COLEC11: variants seen among roughly 807,000 people sequenced by gnomAD.
COLEC11 encodes the protein collectin-11.
A neutral mutation model predicts 27.3 loss-of-function variants in COLEC11; 20 were observed. The ratio of observed to expected loss-of-function variants is 0.73; its 90% CI spans 0.51 to 1.06. COLEC11 has a LOEUF of 1.06. Among genes scored for constraint, COLEC11 ranks in the 50% least tolerant of loss-of-function variants. The pLI is 0.00. For synonymous variants in COLEC11, 163 were observed against 154.7 expected (o/e 1.05, Z -0.40); for missense variants, 310 against 383.0 (o/e 0.81, Z 1.59).
intron 2 of COLEC11, among the ~76,000 whole-genome samples, chr2:3,608,206 C>T (rs1227285306): frequency 1.3e-5 from 2 of 152,170 alleles, no homozygotes; most frequent in Non-Finnish European, 2.9e-5. Context: ...TGCAGGGAAG[C>T]CAAGCAAACA....
At chr2:3,607,417 T>C (rs1410711662) in intron 2 of COLEC11, among the ~76,000 whole-genome samples, 3 of 151,710 alleles carry the variant, frequency 2.0e-5, no homozygotes, top group Non-Finnish European at 4.4e-5. Flanking sequence ...ATAGTTCTTC[T>C]TATAGGCTTT....
intron 1 of COLEC11, chr2:3,603,650 A>G: frequency 6.4e-7 from 1 of 1,551,054 alleles, no homozygotes; most frequent in South Asian, 1.2e-5. Context: ...TTCACGATGA[A>G]GAAACAAAGA....
rs112833981 is a variant in COLEC11 at position 3,628,420 on chromosome 2, C to G, written c.203-9113C>G. ...TGGCCCAGGAGGGCGGCCTGAGACCCTGCACTGGTCTTAACAGCACCCAGG... is the reference window on the plus strand; with the variant it reads ...TGGCCCAGGAGGGCGGCCTGAGACCGTGCACTGGTCTTAACAGCACCCAGG... On this transcript the variant is annotated intron_variant, in intron 3 of 6. Transcript: ENST00000349077. 6.9e-3 allele frequency among the ~76,000 whole-genome samples: 1,054 copies of G among 152,372 alleles called. 9 individuals carry two copies. The highest frequency in any genetic ancestry group is 0.024 in the African/African-American group (1,003 of 41,586).
chr2:3,624,041 C>T (rs1301054677), intron 3 of COLEC11, among the ~76,000 whole-genome samples: 1 of 152,220 alleles, frequency 6.6e-6, no homozygotes, highest in African/African-American at 2.4e-5. Flanking sequence ...ACCTGCTCCA[C>T]ACCTTTTGCT....
intron 2 of COLEC11, among the ~76,000 whole-genome samples, chr2:3,610,992 C>G (rs1302867590): frequency 6.6e-6 from 1 of 152,154 alleles, no homozygotes; most frequent in Non-Finnish European, 1.5e-5. Flanking sequence ...TCTGACATGT[C>G]TGAGTTACTT....
chr2:3,607,474 T>A (rs1572398025), intron 2 of COLEC11, among the ~76,000 whole-genome samples: 1 of 92,918 alleles, frequency 1.1e-5, no homozygotes, highest in South Asian at 4.6e-4. Context: ...TGAGATGGAG[T>A]TTCTCTCTTG....
At chr2:3,620,976 C>T (rs1052375506) in intron 3 of COLEC11, among the ~76,000 whole-genome samples, 9 of 152,152 alleles carry the variant, frequency 5.9e-5, no homozygotes, top group African/African-American at 1.7e-4. Context: ...AAGAATGTTC[C>T]GTGTGCACTG....
chr2:3,606,313 G>C (rs780099915), intron 2 of COLEC11: 40 of 1,347,276 alleles, frequency 3.0e-5, no homozygotes, highest in Admixed American at 1.2e-4. Flanking sequence ...GCCTTTCCCA[G>C]GTGCTGTTGG....
In COLEC11 at chr2:3,642,516, T is replaced by A. The variant is rs144994158; in HGVS notation, c.329-928T>A. On this transcript the variant is annotated intron_variant, in intron 5 of 6. Transcript: ENST00000349077. The stretch of plus-strand genomic sequence containing the variant: ...GACAGACACCGGCTTCATCCCTCCC[T>A]CCCTATCAGCTCCCTTTCACCACCG... Among the ~76,000 whole-genome samples, 4 of 152,088 alleles carry A rather than the reference T, an allele frequency of 2.6e-5. No homozygotes were observed. In the East Asian group the frequency reaches 7.8e-4, roughly 30 times the overall value.
At chr2:3,611,012 T>A (rs1207215459) in intron 2 of COLEC11, among the ~76,000 whole-genome samples, 1 of 152,214 alleles carries the variant, frequency 6.6e-6, no homozygotes, top group African/African-American at 2.4e-5. Flanking sequence ...TTTCTCTGAT[T>A]TTCCCCGTGT....
intron 2 of COLEC11, among the ~76,000 whole-genome samples, 176 bp from the exon 3 acceptor site, chr2:3,613,135 C>T (rs1663357426): frequency 6.9e-6 from 1 of 145,560 alleles, no homozygotes. Context: ...AAAGCAGAAT[C>T]AGGGGCACCC....
chr2:3,599,590 T>G (rs1662079380), intron 1 of COLEC11, among the ~76,000 whole-genome samples: 1 of 152,220 alleles, frequency 6.6e-6, no homozygotes, highest in African/African-American at 2.4e-5. Context: ...CCTATCTCCA[T>G]ATTAAGAGAA....
At chr2:3,631,787 T>A (rs1162044172) in intron 3 of COLEC11, among the ~76,000 whole-genome samples, 1 of 152,084 alleles carries the variant, frequency 6.6e-6, no homozygotes, top group Non-Finnish European at 1.5e-5. Context: ...CTTTGCACAC[T>A]CTGGTCTCTT....
At chr2:3,613,414 TC>T in intron 3 of COLEC11, 32 bp downstream of exon 3, 1 of 1,563,066 alleles carries the variant, frequency 6.4e-7, no homozygotes, top group Non-Finnish European at 8.7e-7. Flanking sequence ...CCCTCAGAGC[TC>T]TGAGGATGGA....
intron 3 of COLEC11, chr2:3,617,749 C>G (rs1663879677): frequency 5.5e-6 from 7 of 1,283,186 alleles, no homozygotes; most frequent in Non-Finnish European, 7.9e-6. Context: ...CAGTGGCCAC[C>G]ACTGAGTTGT....
At chr2:3,613,600 G>T (rs1160042253) in intron 3 of COLEC11, among the ~76,000 whole-genome samples, 1 of 152,196 alleles carries the variant, frequency 6.6e-6, no homozygotes, top group African/African-American at 2.4e-5. Flanking sequence ...CTCTAGGAAA[G>T]AAAGTGTGTC....
At position 3,606,320 on chromosome 2, in the gene COLEC11, T is replaced by C. The variant is rs1662695944; in HGVS notation, c.130+1850T>C. ...TGGGCGCCGCCTTTCCCAGGTGCTG[T>C]TGGGAGGGTCCTTCCCAGCTGTCCA... On this transcript the variant is annotated intron_variant, in intron 2 of 6. Coordinates refer to ENST00000349077, the MANE Select transcript of COLEC11 (RefSeq NM_024027.5). The C allele has an allele frequency of 5.5e-6, 7 of 1,276,208 alleles. No homozygotes were observed. In the East Asian group the frequency reaches 1.5e-4, roughly 28 times the overall value. 79.1% of individuals were successfully genotyped at this position (1,276,208 alleles called of 1,614,324 possible).
intron 3 of COLEC11, among the ~76,000 whole-genome samples, chr2:3,613,612 T>C (rs1175196411): frequency 1.3e-5 from 2 of 152,194 alleles, no homozygotes; most frequent in Non-Finnish European, 2.9e-5. Context: ...AAGTGTGTCC[T>C]GGAACTCAGC....
intron 4 of COLEC11, among the ~76,000 whole-genome samples, chr2:3,638,178 C>T (rs1193334540): frequency 1.3e-5 from 2 of 152,246 alleles, no homozygotes; most frequent in Non-Finnish European, 2.9e-5. Context: ...GGCAGATCAG[C>T]TGCGCCTCCC....
Sources: gnomAD v4.1 joint callset for allele counts (sites outside exome capture counted in the v4.1 genomes callset) on GRCh38, gnomAD v4.1.1 for gene constraint, MANE v1.5 for transcripts, NCBI Gene and HGNC (gene_info 2026-07-23, HGNC 2026-07-21) for gene names.